TUBGCP5: variants seen among roughly 807,000 people sequenced by gnomAD.
TUBGCP5 encodes tubulin gamma complex component 5, also known as gamma-tubulin complex component 5.
Under a neutral mutation model 134.7 loss-of-function variants are expected in TUBGCP5, and 98 were observed. The ratio of observed to expected loss-of-function variants is 0.73; its 90% CI spans 0.62 to 0.86. The LOEUF (loss-of-function observed/expected upper bound fraction) is 0.86, where lower values mean the gene tolerates loss of function less well. Among genes scored for constraint, TUBGCP5 ranks in the 40% least tolerant of loss-of-function variants. The pLI is 0.00. For missense variants in TUBGCP5, 1,150 were observed against 1,244.8 expected (o/e 0.92, Z 1.15); for synonymous variants, 456 against 431.4 (o/e 1.06, Z -0.71).
chr15:23,027,202 CTAAAT>C lies in TUBGCP5; in HGVS notation c.722_726del (p.Asn241SerfsTer12). Reference sequence around the variant, plus strand: ...ACTTTAGCTTCTTACCAGACAGCAGCTAAATTAGAGTGCAAATGTAAACTATGAGG... The same window carrying C: ...ACTTTAGCTTCTTACCAGACAGCAGCTAGAGTGCAAATGTAAACTATGAGG... On this transcript the variant is annotated frameshift_variant, in exon 7 of 23. Transcript: ENST00000615383. LOFTEE classifies it high-confidence loss of function. The C allele has an allele frequency of 6.2e-7, 1 of 1,612,248 alleles. No homozygotes were observed. The highest frequency in any genetic ancestry group is 8.5e-7 in the Non-Finnish European group (1 of 1,178,974).
At chr15:23,019,148 G>C in intron 12 of TUBGCP5, 71 bp downstream of exon 12, 1 of 1,104,940 alleles carries the variant, frequency 9.1e-7, no homozygotes, top group Non-Finnish European at 1.3e-6. Context: ...ACTAACGAAA[G>C]CATTTGATTT....
chr15:23,033,814 G>A (rs1300354774), intron 3 of TUBGCP5, among the ~76,000 whole-genome samples: 3 of 151,994 alleles, frequency 2.0e-5, no homozygotes, highest in Non-Finnish European at 2.9e-5. Context: ...CTTATGAAAT[G>A]GTAGGCACTT....
chr15:23,026,062 G>A, intron 8 of TUBGCP5, 54 bp downstream of exon 8: 1 of 1,432,968 alleles, frequency 7.0e-7, no homozygotes, highest in Non-Finnish European at 9.5e-7. Context: ...AAAAGTTTTT[G>A]CTTCTCAGTA....
At chr15:23,010,762 T>C (rs374326534) in intron 14 of TUBGCP5, among the ~76,000 whole-genome samples, 3 of 152,158 alleles carry the variant, frequency 2.0e-5, no homozygotes, top group Admixed American at 1.3e-4. Context: ...GCAGATCACC[T>C]GAGGTCAGGA....
chr15:23,031,079 C>T (rs1262806822), intron 5 of TUBGCP5, 59 bp from the exon 6 acceptor site: 2 of 1,436,372 alleles, frequency 1.4e-6, no homozygotes, highest in Non-Finnish European at 1.8e-6. Flanking sequence ...AAGCTATTTA[C>T]ATTAAAAGAC....
Position 23,039,384 on chromosome 15 carries a change from G to A in TUBGCP5, c.146+14C>T. On this transcript the variant is annotated intron_variant, in intron 1 of 22. Coordinates refer to ENST00000615383, the MANE Select transcript of TUBGCP5 (RefSeq NM_052903.6). ...GCTGTGGCCGGGAACCCGCCCGCGCGCCGTGCCCCACACCTGAAGTTGGAC... is the reference window on the plus strand; with the variant it reads ...GCTGTGGCCGGGAACCCGCCCGCGCACCGTGCCCCACACCTGAAGTTGGAC... 1 of 1,429,134 alleles carries A rather than the reference G, an allele frequency of 7.0e-7. No individual in the cohort carries two copies. Among genetic ancestry groups the A allele is most frequent in the Non-Finnish European group, 9.3e-7 (1 of 1,078,794 alleles). The allele number at this position is 1,429,134 out of a possible 1,614,324, so 88.5% of individuals were successfully genotyped here.
At position 23,004,144 on chromosome 15, in the gene TUBGCP5, C is replaced by T. The variant is rs758741957; in HGVS notation, c.2796G>A (p.Arg932=). The part of the protein sequence containing the change: ...DLDQLIKIHY[R]YLSTIHDRCL... ...ACCGGTCATGGATGGTTGACAGATA[C>T]CTATAGTGAATTTTAATCAATTGAT... The change falls in exon 20 of 23, where the codon AGG becomes AGA. Residue 932 remains arginine (R), a synonymous_variant. Coordinates refer to ENST00000615383, the MANE Select transcript of TUBGCP5 (RefSeq NM_052903.6). 5.0e-6 allele frequency: 8 copies of T among 1,613,474 alleles called. No individual in the cohort carries two copies. The highest frequency in any genetic ancestry group is 3.3e-4 in the Middle Eastern group (2 of 6,062).
In TUBGCP5 at chr15:23,036,914, T is replaced by C. The variant is rs1361180210; in HGVS notation, c.292A>G (p.Ser98Gly). 37 of 1,608,864 alleles carry C rather than the reference T, an allele frequency of 2.3e-5. No homozygotes were observed. The highest frequency in any genetic ancestry group is 3.1e-5 in the Non-Finnish European group (36 of 1,175,788). Residue 98 changes from serine to glycine, a missense_variant, in exon 3 of 23, where the codon AGT becomes GGT. Physicochemically the swap from Ser to Gly is moderately conservative, Grantham distance 56. Around this residue, in one of 2 missense-constraint regions of TUBGCP5, gnomAD observed 453 missense variants for 394.7 expected, o/e 1.15. Transcript: ENST00000615383. ...AGGCATACCTTTATTTCCTTTATAC[T>C]GGGAAGTGGTGCATTTAGAAATTCC... Reference protein sequence around the residue: ...TEEFLNAPLPSIKEIKTDAHY... With the variant: ...TEEFLNAPLPGIKEIKTDAHY...
At chr15:23,017,639 T>C (rs1001197433) in intron 13 of TUBGCP5, 134 bp downstream of exon 13, 1 of 858,470 alleles carries the variant, frequency 1.2e-6, no homozygotes, top group Non-Finnish European at 1.7e-6. Flanking sequence ...AATTCAACCA[T>C]GACGATAATT....
chr15:23,019,166 G>A, intron 12 of TUBGCP5, 53 bp downstream of exon 12: 7 of 1,272,524 alleles, frequency 5.5e-6, no homozygotes, highest in Non-Finnish European at 7.9e-6. Flanking sequence ...TTTTCATGGG[G>A]AGGAAACTGG....
At chr15:23,036,546 T>C (rs575469994) in intron 3 of TUBGCP5, among the ~76,000 whole-genome samples, 74 of 152,142 alleles carry the variant, frequency 4.9e-4, no homozygotes, top group African/African-American at 1.7e-3. Context: ...CCAAACAATA[T>C]GAAAGTATAC....
chr15:23,006,046 T>C lies in TUBGCP5; in HGVS notation c.2533+6A>G, dbSNP rs749472708. The stretch of plus-strand genomic sequence containing the variant: ...TTACAATTTATCTGCTGAAAACAAA[T>C]CTTACCACCAAAAAGTAAAACATCC... On this transcript the variant is annotated splice_donor_region_variant and intron_variant, in intron 18 of 22. Transcript: ENST00000615383. 3 of 1,590,462 alleles carry C rather than the reference T, an allele frequency of 1.9e-6. No homozygotes were observed. Among genetic ancestry groups the C allele is most frequent in the South Asian group, 2.3e-5 (2 of 85,398 alleles).
At chr15:22,988,739 A>AC (rs1401021905) in intron 23 of TUBGCP5, among the ~76,000 whole-genome samples, 3 of 150,760 alleles carry the variant, frequency 2.0e-5, no homozygotes, top group East Asian at 2.0e-4. Context: ...CCGTCTCAAA[A>AC]AAAAAAAAAA....
At chr15:23,032,882 G>C in intron 3 of TUBGCP5, 58 bp from the exon 4 acceptor site, 2 of 1,291,078 alleles carry the variant, frequency 1.5e-6, no homozygotes, top group Non-Finnish European at 1.1e-6. Flanking sequence ...TTCTACACCA[G>C]ATTGAGTAAA....
chr15:23,027,429 T>TATTTA, intron 6 of TUBGCP5, 123 bp from the exon 7 acceptor site: 4 of 704,394 alleles, frequency 5.7e-6, no homozygotes, highest in African/African-American at 1.9e-5. Context: ...AACAGCTACC[T>TATTTA]AACATTTATG....
At chr15:23,021,721 C>T (rs901793712) in intron 11 of TUBGCP5, among the ~76,000 whole-genome samples, 58 of 152,190 alleles carry the variant, frequency 3.8e-4, no homozygotes, top group Admixed American at 8.5e-4. Flanking sequence ...AATATCTATA[C>T]ACATCAGGTA....
intron 16 of TUBGCP5, 66 bp from the exon 17 acceptor site, chr15:23,006,418 A>G: frequency 9.1e-7 from 1 of 1,097,462 alleles, no homozygotes; most frequent in Admixed American, 2.6e-5. Context: ...CTCTTTTAAA[A>G]TAATTGGTAT....
At chr15:23,018,115 T>C (rs2065446812) in intron 12 of TUBGCP5, 74 bp from the exon 13 acceptor site, 1 of 1,418,724 alleles carries the variant, frequency 7.0e-7, no homozygotes, top group African/African-American at 1.4e-5. Flanking sequence ...TAGTTTGTTG[T>C]CCAGACATTA....
At chr15:23,034,569 T>C (rs1372486318) in intron 3 of TUBGCP5, among the ~76,000 whole-genome samples, 1 of 152,120 alleles carries the variant, frequency 6.6e-6, no homozygotes. Context: ...CTTGAAAATA[T>C]ATCAACAGAG....
Sources: gnomAD v4.1 joint callset for allele counts (sites outside exome capture counted in the v4.1 genomes callset) on GRCh38, gnomAD v4.1.1 for gene constraint, gnomAD v4.1.1 regional missense constraint, MANE v1.5 for transcripts, NCBI Gene and HGNC (gene_info 2026-07-23, HGNC 2026-07-21) for gene names.